The following AKAP19 variants were observed in gnomAD, a reference collection of about 807,000 sequenced individuals.
AKAP19 encodes small A-kinase anchoring protein.
the AKAP19 span, among the ~76,000 whole-genome samples, chr2:190,151,437 A>G: frequency 6.6e-6 from 1 of 152,156 alleles, no homozygotes; most frequent in Non-Finnish European, 1.5e-5. Context: ...TTCAGCTTCT[A>G]TCTGTAAGCA....
At chr2:190,058,066 G>A in the AKAP19 span, among the ~76,000 whole-genome samples, 1 of 151,962 alleles carries the variant, frequency 6.6e-6, no homozygotes, top group African/African-American at 2.4e-5. Flanking sequence ...AAATATGCCT[G>A]GTAACTCCTG....
chr2:190,022,013 A>G, the AKAP19 span, among the ~76,000 whole-genome samples: 1 of 152,134 alleles, frequency 6.6e-6, no homozygotes, highest in Non-Finnish European at 1.5e-5. Context: ...TTAGGGGCTG[A>G]GTGTGCTAAC....
the AKAP19 span, among the ~76,000 whole-genome samples, chr2:190,198,687 T>C: frequency 1.3e-5 from 2 of 148,484 alleles, no homozygotes; most frequent in Non-Finnish European, 3.0e-5. Context: ...TATGAATTTT[T>C]AGAGCTATGT....
the AKAP19 span, among the ~76,000 whole-genome samples, chr2:190,074,562 A>G: frequency 1.3e-5 from 2 of 152,028 alleles, no homozygotes; most frequent in African/African-American, 4.8e-5. Flanking sequence ...GAAGCAGGAG[A>G]TTCGCTTAAA....
the AKAP19 span, among the ~76,000 whole-genome samples, chr2:190,131,038 C>T: frequency 6.6e-6 from 1 of 152,088 alleles, no homozygotes; most frequent in Non-Finnish European, 1.5e-5. Context: ...TGGTCTCTGC[C>T]CCCATTCCTT....
chr2:190,110,341 A>T, the AKAP19 span, among the ~76,000 whole-genome samples: 4 of 152,208 alleles, frequency 2.6e-5, no homozygotes, highest in Non-Finnish European at 4.4e-5. Flanking sequence ...AAGCCTCCCC[A>T]TTGCATCAAC....
chr2:189,886,395 C>T, the AKAP19 span, among the ~76,000 whole-genome samples: 2 of 152,168 alleles, frequency 1.3e-5, no homozygotes, highest in African/African-American at 4.8e-5. Context: ...AGCATTACTT[C>T]TTTCATAAGG....
chr2:190,094,948 G>A, the AKAP19 span, among the ~76,000 whole-genome samples: 1 of 152,234 alleles, frequency 6.6e-6, no homozygotes, highest in African/African-American at 2.4e-5. Context: ...AAATAGGCCG[G>A]GCGCGGTGGC....
At chr2:189,892,538 T>C in the AKAP19 span, among the ~76,000 whole-genome samples, 1 of 152,184 alleles carries the variant, frequency 6.6e-6, no homozygotes. Flanking sequence ...CCAGACCCTG[T>C]TTGCATGGGT....
the AKAP19 span, among the ~76,000 whole-genome samples, chr2:190,107,386 TAAAAC>T: frequency 6.6e-6 from 1 of 152,188 alleles, no homozygotes; most frequent in African/African-American, 2.4e-5. Flanking sequence ...AGGCAATTCT[TAAAAC>T]AAGTTTTCAT....
the AKAP19 span, among the ~76,000 whole-genome samples, chr2:189,945,777 T>C: frequency 6.6e-6 from 1 of 152,200 alleles, no homozygotes; most frequent in Non-Finnish European, 1.5e-5. Context: ...ACTAATAATC[T>C]GCACCTCTTT....
the AKAP19 span, among the ~76,000 whole-genome samples, chr2:190,143,269 A>G: frequency 1.6e-5 from 2 of 125,630 alleles, no homozygotes; most frequent in African/African-American, 5.8e-5. Context: ...ATTCCTGTCA[A>G]ACTTTATCCT....
At chr2:190,112,796 C>T in the AKAP19 span, among the ~76,000 whole-genome samples, 6 of 152,026 alleles carry the variant, frequency 3.9e-5, no homozygotes, top group African/African-American at 1.4e-4. Context: ...TGTGAAATTG[C>T]CCATAATTTC....
the AKAP19 span, among the ~76,000 whole-genome samples, chr2:190,002,658 G>T: frequency 7.2e-5 from 11 of 152,126 alleles, no homozygotes; most frequent in African/African-American, 2.4e-4. Context: ...CTCACTATGG[G>T]ATTGAACATC....
At chr2:189,912,174 A>G in the AKAP19 span, among the ~76,000 whole-genome samples, 2 of 152,170 alleles carry the variant, frequency 1.3e-5, no homozygotes, top group South Asian at 4.1e-4. Context: ...TGTTTTTCAT[A>G]GAACCAATTC....
At chr2:190,002,850 A>T in the AKAP19 span, among the ~76,000 whole-genome samples, 2 of 152,264 alleles carry the variant, frequency 1.3e-5, no homozygotes, top group Admixed American at 1.3e-4. Flanking sequence ...TATGTCACTT[A>T]GATTTCTTGT....
chr2:190,033,630 C>T, the AKAP19 span, among the ~76,000 whole-genome samples: 1 of 152,288 alleles, frequency 6.6e-6, no homozygotes, highest in South Asian at 2.1e-4. Context: ...TCGACAGTAA[C>T]AAATTGGGCT....
the AKAP19 span, among the ~76,000 whole-genome samples, chr2:190,059,097 T>C: frequency 6.6e-6 from 1 of 151,762 alleles, no homozygotes; most frequent in African/African-American, 2.4e-5. Context: ...GTAGATCTGA[T>C]CTGCTAATTA....
At chr2:189,952,027 G>T in the AKAP19 span, among the ~76,000 whole-genome samples, 1 of 152,128 alleles carries the variant, frequency 6.6e-6, no homozygotes, top group Non-Finnish European at 1.5e-5. Context: ...ATCTTCCACT[G>T]GTTTCCCCCA....
Sources: allele counts gnomAD v4.1 joint callset (sites outside exome capture counted in the v4.1 genomes callset), GRCh38; gene constraint gnomAD v4.1.1; transcripts MANE v1.5; gene names NCBI Gene and HGNC (gene_info 2026-07-23, HGNC 2026-07-21).